The following TNFAIP2 variants were observed in gnomAD, a reference collection of about 807,000 sequenced individuals.
TNFAIP2 encodes the protein tumor necrosis factor alpha-induced protein 2.
In TNFAIP2, 47 loss-of-function variants were observed where a neutral mutation model predicts 63.5. The ratio of observed to expected loss-of-function variants is 0.74; its 90% confidence interval spans 0.59 to 0.94. The LOEUF (loss-of-function observed/expected upper bound fraction) is 0.94. Ranked by LOEUF, TNFAIP2 falls within the 40% of genes least tolerant of loss-of-function variation. The pLI, the probability that TNFAIP2 is intolerant of heterozygous loss-of-function variation, is 0.00. For missense variants in TNFAIP2, 787 were observed against 850.2 expected (o/e 0.93, Z 0.92); for synonymous variants, 405 against 390.2 (o/e 1.04, Z -0.45).
rs774026769 is a variant in TNFAIP2 at position 103,127,209 on chromosome 14, C to A, written c.440C>A (p.Pro147Gln). ...GTGCTGCGGCGGCCGCTGGAGGCGC[C>A]GCCCGAGCGGCTGCGCCAGGCGCTG... ...LGVLRRPLEAPPERLRQALAV... is the reference protein window; with the variant it reads ...LGVLRRPLEAQPERLRQALAV... Residue 147 changes from proline to glutamine, a missense_variant, in exon 3 of 12, where the codon CCG becomes CAG. By Grantham distance (76) the Pro-to-Gln change is moderately conservative. Around this residue, in one of 3 missense-constraint regions of TNFAIP2, gnomAD observed 258 missense variants for 228.9 expected, o/e 1.13. Transcript: ENST00000560869. This position sits in a 1 kb window ranked among gnomAD's most constrained non-coding sequence, Gnocchi z 5.1. 3,534 of 1,110,608 alleles carry A rather than the reference C, an allele frequency of 3.2e-3. 14 individuals are homozygous for A. Among genetic ancestry groups the A allele is most frequent in the Non-Finnish European group, 3.5e-3 (3,211 of 906,536 alleles). The allele number at this position is 1,110,608 out of a possible 1,614,324, so 68.8% of individuals were successfully genotyped here.
rs1566964651 is a variant in TNFAIP2, at chr14:103,131,617, CCT to C, written c.1299-17_1299-16del. ...TATAGGCTGAGCAGGGCTGGGGTGA[CCT>C]CTCTGCCTCCACCTTCCAGGATGTC... On this transcript the variant is annotated intron_variant, in intron 7 of 11. Coordinates refer to ENST00000560869, the MANE Select transcript of TNFAIP2 (RefSeq NM_006291.4). This position sits in a 1 kb window ranked among gnomAD's most constrained non-coding sequence, Gnocchi z 4.0. The C allele has an allele frequency of 6.3e-7, 1 of 1,577,434 alleles. No individual in the cohort carries two copies.
At chr14:103,130,821 C>T (rs569794306) in intron 6 of TNFAIP2, among the ~76,000 whole-genome samples, 1 of 152,350 alleles carries the variant, frequency 6.6e-6, no homozygotes, top group South Asian at 2.1e-4. Context: ...GGTCTCCCAA[C>T]TCTAGAGAGG....
Position 103,127,096 on chromosome 14 carries a change from G to A in TNFAIP2, c.327G>A (p.Ala109=), listed in dbSNP as rs1323081502. 1.8e-6 allele frequency: 2 copies of A among 1,104,096 alleles called. No homozygotes were observed. Among genetic ancestry groups the A allele is most frequent in the East Asian group, 5.3e-5 (1 of 18,702 alleles). The allele number at this position is 1,104,096 out of a possible 1,614,324, so 68.4% of individuals were successfully genotyped here. Residue 109 remains alanine (A), a synonymous_variant, in exon 3 of 12, where the codon GCG becomes GCA. Coordinates refer to ENST00000560869, the MANE Select transcript of TNFAIP2 (RefSeq NM_006291.4). This position sits in a 1 kb window ranked among gnomAD's most constrained non-coding sequence, Gnocchi z 5.1. Reference sequence around the variant, plus strand: ...AGCGGGAGCTGGCGGCGGCGGCGGCGGCGGGCGGTGTGAGCGAGGAGGAGC... The same window carrying A: ...AGCGGGAGCTGGCGGCGGCGGCGGCAGCGGGCGGTGTGAGCGAGGAGGAGC... ...ALERELAAAA[A]AGGVSEEELV...
chr14:103,136,520 CTT>C lies in TNFAIP2; in HGVS notation c.*1177_*1178del, dbSNP rs11358000. ...TCCCCTCTCCTGCCTCCCTCCACCA[CTT>C]TTTTTTTTTTTTTTTTGAGACAGGG... On this transcript the variant is annotated 3_prime_UTR_variant, in exon 12 of 12. Transcript: ENST00000560869. 477 of 120,880 alleles carry C rather than the reference CTT, an allele frequency of 3.9e-3. No individual in the cohort carries two copies. The highest frequency in any genetic ancestry group is 8.4e-3 in the East Asian group (37 of 4,420). 7.5% of individuals were successfully genotyped at this position (120,880 alleles called of 1,614,324 possible).
Position 103,135,508 on chromosome 14 carries a change from G to A in TNFAIP2, c.*148G>A. The A allele has an allele frequency of 6.7e-7, 1 of 1,492,284 alleles. No homozygotes were observed. Among genetic ancestry groups the A allele is most frequent in the Non-Finnish European group, 8.8e-7 (1 of 1,130,366 alleles). 92.4% of individuals were successfully genotyped at this position (1,492,284 alleles called of 1,614,324 possible). On this transcript the variant is annotated 3_prime_UTR_variant, in exon 12 of 12. Coordinates refer to ENST00000560869, the MANE Select transcript of TNFAIP2 (RefSeq NM_006291.4). This position sits in a 1 kb window ranked among gnomAD's most constrained non-coding sequence, Gnocchi z 7.6. ...TCTGCCTAGCCCTGGCGGAGGTGCA[G>A]GCCCTGTCAGCTGGAACTGGACAGA... is the stretch of plus-strand genomic sequence containing the variant.
intron 8 of TNFAIP2, among the ~76,000 whole-genome samples, chr14:103,132,478 T>C (rs902532614): frequency 5.3e-5 from 8 of 152,172 alleles, no homozygotes; most frequent in African/African-American, 1.7e-4. Flanking sequence ...TAAGTGGCAG[T>C]GGACTTGGCC....
chr14:103,131,595 AG>A lies in TNFAIP2; in HGVS notation c.1299-42del. ...TCTGGCTCCCTGGGTATGGGGCTAT[AG>A]GCTGAGCAGGGCTGGGGTGACCTCT... On this transcript the variant is annotated intron_variant, in intron 7 of 11. Transcript: ENST00000560869. The surrounding 1 kb of genome is among the most constrained non-coding windows in gnomAD (Gnocchi z 4.0). The A allele has an allele frequency of 6.4e-7, 1 of 1,554,892 alleles. No individual in the cohort carries two copies. Among genetic ancestry groups the A allele is most frequent in the Non-Finnish European group, 8.7e-7 (1 of 1,154,726 alleles).
chr14:103,121,744 G>A (rs546467176), upstream of TNFAIP2, among the ~76,000 whole-genome samples: 520 of 152,332 alleles, frequency 3.4e-3, 4 homozygotes, highest in Non-Finnish European at 5.0e-3. Flanking sequence ...AAGGGTGGCA[G>A]CCCCGCCTCA....
In TNFAIP2 at chr14:103,132,756, T is replaced by C; in HGVS notation, c.1429T>C (p.Phe477Leu). ...CCTGCCTCTCCTGTCTCAGCCACTGTTCAAGAGGTTCACGCACACCCGCTG... is the reference window on the plus strand; with the variant it reads ...CCTGCCTCTCCTGTCTCAGCCACTGCTCAAGAGGTTCACGCACACCCGCTG... ...QNLHEDLKPL[F>L]KRFTHTRWAA... is the part of the protein sequence containing the mutation. Residue 477 changes from phenylalanine to leucine, a missense_variant, in exon 9 of 12, where the codon TTC (phenylalanine) becomes CTC (leucine). Phe to Leu is a conservative substitution (Grantham distance 22). Coordinates refer to ENST00000560869, the MANE Select transcript of TNFAIP2 (RefSeq NM_006291.4). 1 of 1,613,134 alleles carries C rather than the reference T, an allele frequency of 6.2e-7. No homozygotes were observed. Among genetic ancestry groups the C allele is most frequent in the Non-Finnish European group, 8.5e-7 (1 of 1,179,660 alleles).
chr14:103,132,176 G>A (rs1006697498), intron 8 of TNFAIP2, among the ~76,000 whole-genome samples: 13 of 152,058 alleles, frequency 8.5e-5, no homozygotes, highest in African/African-American at 2.9e-4. Context: ...CCCCATCCCC[G>A]CGCCTGACTC....
At chr14:103,126,730 T>C (rs750189351) in intron 2 of TNFAIP2, 38 bp downstream of exon 2, 1 of 1,543,000 alleles carries the variant, frequency 6.5e-7, no homozygotes, top group Admixed American at 2.0e-5. Context: ...GTCTGGGGCC[T>C]GGACGGGGTT....
At chr14:103,124,963 A>G (rs1441962653) in intron 1 of TNFAIP2, among the ~76,000 whole-genome samples, 1 of 152,134 alleles carries the variant, frequency 6.6e-6, no homozygotes, top group Non-Finnish European at 1.5e-5. Context: ...GGGACAGGGT[A>G]GTGGGGCTGG....
Position 103,133,429 on chromosome 14 carries a change from T to C in TNFAIP2, c.1613T>C (p.Leu538Pro). The C allele has an allele frequency of 1.2e-6, 2 of 1,614,000 alleles. No homozygotes were observed. Among genetic ancestry groups the C allele is most frequent in the Non-Finnish European group, 1.7e-6 (2 of 1,180,016 alleles). ...EYIIQLSKGR[L>P]VLKTAEQQQQ... is the part of the protein sequence containing the mutation. Reference sequence around the variant, plus strand: ...ATCATCCAACTCAGCAAGGGGCGCCTGGTCCTCAAGACGGCCGAGCAGCAG... The same window carrying C: ...ATCATCCAACTCAGCAAGGGGCGCCCGGTCCTCAAGACGGCCGAGCAGCAG... Residue 538 changes from leucine (L) to proline (P), a missense_variant, in exon 10 of 12, where the codon CTG (leucine) becomes CCG (proline). This residue lies in a region of TNFAIP2 where 523 missense variants were observed against 604.1 expected (regional missense o/e 0.87). Coordinates refer to ENST00000560869, the MANE Select transcript of TNFAIP2 (RefSeq NM_006291.4).
intron 10 of TNFAIP2, 69 bp from the exon 11 acceptor site, chr14:103,133,613 T>TCTCA: frequency 6.4e-7 from 1 of 1,559,622 alleles, no homozygotes; most frequent in South Asian, 1.2e-5. Flanking sequence ...GGTGCCTCTC[T>TCTCA]AAGCCCAACG....
In TNFAIP2 at chr14:103,127,018, G is replaced by A. The variant is rs559354976; in HGVS notation, c.249G>A (p.Lys83=). 5.0e-6 allele frequency: 6 copies of A among 1,190,452 alleles called. No homozygotes were observed. In the Admixed American group the frequency reaches 1.9e-4, roughly 37 times the overall value. 73.7% of individuals were successfully genotyped at this position (1,190,452 alleles called of 1,614,324 possible). The change falls in exon 3 of 12, where the codon AAG becomes AAA. Residue 83 remains lysine, a synonymous_variant. Transcript: ENST00000560869. This position sits in a 1 kb window ranked among gnomAD's most constrained non-coding sequence, Gnocchi z 5.1. Reference sequence around the variant, plus strand: ...TTCCCGGCGCAGTGGAGGAGCTGAAGGCGGCGCTGGAGCGCGGGCAGCTGG... The same window carrying A: ...TTCCCGGCGCAGTGGAGGAGCTGAAAGCGGCGCTGGAGCGCGGGCAGCTGG... ...DGPPPTVEEL[K]AALERGQLEA...
chr14:103,123,391 G>A (rs562324358), upstream of TNFAIP2: 17 of 152,318 alleles, frequency 1.1e-4, no homozygotes, highest in Non-Finnish European at 2.4e-4. Flanking sequence ...GGCGGGGCGG[G>A]GAAGGAGGGG....
chr14:103,133,853 G>A, intron 11 of TNFAIP2, 50 bp downstream of exon 11: 3 of 1,539,764 alleles, frequency 1.9e-6, no homozygotes, highest in Middle Eastern at 1.7e-4. Context: ...TGTGGCCAAG[G>A]CCTCACAGGG....
chr14:103,135,708 CCA>C lies in TNFAIP2; in HGVS notation c.*351_*352del. 1 of 1,247,010 alleles carries C rather than the reference CCA, an allele frequency of 8.0e-7. No individual in the cohort carries two copies. Among genetic ancestry groups the C allele is most frequent in the Non-Finnish European group, 1.0e-6 (1 of 976,594 alleles). 77.2% of individuals were successfully genotyped at this position (1,247,010 alleles called of 1,614,324 possible). On this transcript the variant is annotated 3_prime_UTR_variant, in exon 12 of 12. Coordinates refer to ENST00000560869, the MANE Select transcript of TNFAIP2 (RefSeq NM_006291.4). The surrounding 1 kb of genome is among the most constrained non-coding windows in gnomAD (Gnocchi z 7.6). The stretch of plus-strand genomic sequence containing the variant: ...CCGGACACCTCTGTCCAGAGCCCCT[CCA>C]CAGTCGGCCTCATGACTGTCCTCCT...
rs2234135 is a variant in TNFAIP2, at chr14:103,130,456, C to G, written c.1199+41C>G. 4.1e-4 allele frequency: 630 copies of G among 1,535,760 alleles called. 3 individuals are homozygous for G. The African/African-American group carries it at 7.4e-3, about 18-fold the overall frequency. On this transcript the variant is annotated intron_variant, in intron 6 of 11. Transcript: ENST00000560869. ...GGATGGGGTCCCTGTAGCCACCGCTCTCAGAGCCACGGCCCCTCCCTAGTG... is the reference window on the plus strand; with the variant it reads ...GGATGGGGTCCCTGTAGCCACCGCTGTCAGAGCCACGGCCCCTCCCTAGTG...
Sources: gnomAD v4.1 joint callset for allele counts (sites outside exome capture counted in the v4.1 genomes callset) on GRCh38, gnomAD v4.1.1 for gene constraint, gnomAD v4.1.1 regional missense constraint, Gnocchi (gnomAD v3.1) non-coding constraint, MANE v1.5 for transcripts, NCBI Gene and HGNC (gene_info 2026-07-23, HGNC 2026-07-21) for gene names.